The following CA12 variants were observed in gnomAD, a reference collection of about 807,000 sequenced individuals.
CA12 encodes the protein carbonic anhydrase 12.
Under a neutral mutation model 46.8 loss-of-function variants are expected in CA12, and 36 were observed. That is an observed-to-expected ratio of 0.77 (90% CI 0.59 to 1.02). CA12 has a LOEUF of 1.02. Among genes scored for constraint, CA12 ranks in the 50% least tolerant of loss-of-function variants. The probability of loss-of-function intolerance (pLI) is 0.00; values close to 1 mark genes in which losing one functional copy is unlikely to be tolerated. For missense variants in CA12, 436 were observed against 451.4 expected (o/e 0.97, Z 0.31); for synonymous variants, 202 against 187.0 (o/e 1.08, Z -0.65).
chr15:63,367,210 C>T (rs1264126213), intron 2 of CA12, among the ~76,000 whole-genome samples: 1 of 152,116 alleles, frequency 6.6e-6, no homozygotes, highest in African/African-American at 2.4e-5. Context: ...TGTGAGCCAC[C>T]GCACCCAGCC....
chr15:63,333,660 T>C (rs907903322), intron 8 of CA12, among the ~76,000 whole-genome samples: 5 of 152,192 alleles, frequency 3.3e-5, no homozygotes, highest in African/African-American at 1.2e-4. Flanking sequence ...CCTCAAAAAA[T>C]TAGATAATTA....
At chr15:63,358,357 T>C (rs2039318350) in intron 2 of CA12, among the ~76,000 whole-genome samples, 1 of 152,214 alleles carries the variant, frequency 6.6e-6, no homozygotes, top group Non-Finnish European at 1.5e-5. Flanking sequence ...ATGATCATGA[T>C]CATAAAGCCA....
chr15:63,321,848 A>T lies in CA12; in HGVS notation c.*4437T>A, dbSNP rs1211146840. On this transcript the variant is annotated 3_prime_UTR_variant, in exon 11 of 11. Coordinates refer to ENST00000178638, the MANE Select transcript of CA12 (RefSeq NM_001218.5). This position sits in a 1 kb window ranked among gnomAD's most constrained non-coding sequence, Gnocchi z 4.5. Reference sequence around the variant, plus strand: ...GGGCACAGCCGGGCCCACTGCGGCGAGGCGAGGAGATGTGGGGAGAGGAAG... The same window carrying T: ...GGGCACAGCCGGGCCCACTGCGGCGTGGCGAGGAGATGTGGGGAGAGGAAG... 1 of 152,262 alleles carries T rather than the reference A, an allele frequency of 6.6e-6. No individual in the cohort carries two copies. The allele number at this position is 152,262 out of a possible 1,614,324, so 9.4% of individuals were successfully genotyped here.
rs766031071 is a variant in CA12 at position 63,340,405 on chromosome 15, C to T, written c.630G>A (p.Leu210=). The change falls in exon 7 of 11, where the codon CTG becomes CTA. Residue 210 remains leucine (L), a synonymous_variant. Coordinates refer to ENST00000178638, the MANE Select transcript of CA12 (RefSeq NM_001218.5). This position sits in a 1 kb window ranked among gnomAD's most constrained non-coding sequence, Gnocchi z 4.4. The part of the protein sequence containing the change: ...AFVPGFNIEE[L]LPERTAEYYR... ...AATATTCAGCGGTCCTCTCCGGAAG[C>T]AGCTCTTCAATGTTGAATCCCGGGA... is the stretch of plus-strand genomic sequence containing the variant. 6.2e-7 allele frequency: 1 copy of T among 1,614,176 alleles called. No homozygotes were observed.
chr15:63,344,607 T>G (rs2039122063), intron 4 of CA12, among the ~76,000 whole-genome samples: 2 of 152,192 alleles, frequency 1.3e-5, no homozygotes, highest in Non-Finnish European at 2.9e-5. Context: ...AGTAGACCTA[T>G]GATTAGTCTG....
At chr15:63,334,271 T>C (rs1207699877) in intron 8 of CA12, among the ~76,000 whole-genome samples, 1 of 108,490 alleles carries the variant, frequency 9.2e-6, no homozygotes, top group East Asian at 2.4e-4. Flanking sequence ...TTTTTTTTTT[T>C]TTCAGATGGA....
intron 2 of CA12, among the ~76,000 whole-genome samples, chr15:63,361,761 C>T (rs1037637090): frequency 2.6e-5 from 4 of 152,052 alleles, no homozygotes; most frequent in Non-Finnish European, 5.9e-5. Flanking sequence ...GACTCCAGTC[C>T]ATGGGACACA....
intron 8 of CA12, among the ~76,000 whole-genome samples, chr15:63,337,666 C>T (rs1205903500): frequency 3.3e-5 from 5 of 152,026 alleles, no homozygotes; most frequent in East Asian, 3.9e-4. Context: ...CATGTTGGTC[C>T]GGCTGGTCTC....
Position 63,345,383 on chromosome 15 carries a change from C to A in CA12, c.429+94G>T. On this transcript the variant is annotated intron_variant, in intron 4 of 10. Transcript: ENST00000178638. The surrounding 1 kb of genome is among the most constrained non-coding windows in gnomAD (Gnocchi z 4.3). ...CAGAGAGCCTGAAGGCAGCCTGTCC[C>A]ATGCTCTGGTGTTATCTGCACAGCA... 9.2e-6 allele frequency: 14 copies of A among 1,524,544 alleles called. No individual in the cohort carries two copies. The South Asian group carries it at 1.5e-4, about 16-fold the overall frequency. The allele number at this position is 1,524,544 out of a possible 1,614,324, so 94.4% of individuals were successfully genotyped here.
chr15:63,373,617 G>A lies in CA12; in HGVS notation c.106+2041C>T, dbSNP rs371349484. Among the ~76,000 whole-genome samples the A allele has an allele frequency of 2.6e-5, 4 of 152,174 alleles. No individual in the cohort carries two copies. Among genetic ancestry groups the A allele is most frequent in the African/African-American group, 4.8e-5 (2 of 41,436 alleles). On this transcript the variant is annotated intron_variant, in intron 2 of 10. Coordinates refer to ENST00000178638, the MANE Select transcript of CA12 (RefSeq NM_001218.5). The surrounding 1 kb of genome is among the most constrained non-coding windows in gnomAD (Gnocchi z 4.9). ...CAGCTAAGAATCACTTGGGGAGTGC[G>A]TTAAGAATACAGGTTTTTCAGGCTC... is the stretch of plus-strand genomic sequence containing the variant.
At chr15:63,361,655 C>G (rs1292181260) in intron 2 of CA12, among the ~76,000 whole-genome samples, 1 of 152,144 alleles carries the variant, frequency 6.6e-6, no homozygotes, top group East Asian at 1.9e-4. Context: ...CCAGAGCATG[C>G]CCCACAGCGG....
At position 63,325,709 on chromosome 15, in the gene CA12, CTTG is replaced by C. The variant is rs1446193320; in HGVS notation, c.*573_*575del. Reference sequence around the variant, plus strand: ...CCCTAATATATCACAATGTATATCTCTTGTTTTCTTTTTCTCTCTACAACTTGA... The same window carrying C: ...CCCTAATATATCACAATGTATATCTCTTTTCTTTTTCTCTCTACAACTTGA... On this transcript the variant is annotated 3_prime_UTR_variant, in exon 11 of 11. Transcript: ENST00000178638. The surrounding 1 kb of genome is among the most constrained non-coding windows in gnomAD (Gnocchi z 4.9). The C allele has an allele frequency of 5.7e-6, 1 of 176,672 alleles. No individual in the cohort carries two copies. The highest frequency in any genetic ancestry group is 1.3e-4 in the East Asian group (1 of 7,424). 10.9% of individuals were successfully genotyped at this position (176,672 alleles called of 1,614,324 possible).
intron 2 of CA12, among the ~76,000 whole-genome samples, chr15:63,369,061 G>A (rs2039469800): frequency 6.6e-6 from 1 of 152,236 alleles, no homozygotes; most frequent in African/African-American, 2.4e-5. Flanking sequence ...CCAGGGAGAT[G>A]AGACCTGACT....
chr15:63,338,933 C>T lies in CA12; in HGVS notation c.760G>A (p.Glu254Lys). The part of the protein sequence containing the change: ...QISQEQLLAL[E>K]TALYCTHMDD... ...ATGTGTGTGCAGTACAGGGCTGTCT[C>T]CAAAGCCAGCAGCTGAGGGCAAGAG... Residue 254 changes from glutamate to lysine, a missense_variant, in exon 8 of 11, where the codon GAG (glutamate) becomes AAG (lysine). Physicochemically the swap from Glu to Lys is moderately conservative, Grantham distance 56. Transcript: ENST00000178638. The T allele has an allele frequency of 6.2e-7, 1 of 1,614,166 alleles. No homozygotes were observed.
At chr15:63,333,040 C>T (rs1312330872) in intron 8 of CA12, among the ~76,000 whole-genome samples, 1 of 152,218 alleles carries the variant, frequency 6.6e-6, no homozygotes, top group East Asian at 1.9e-4. Context: ...GTTCTGGCTG[C>T]ACTGAGGGAG....
intron 2 of CA12, among the ~76,000 whole-genome samples, chr15:63,349,093 A>C (rs750557998): frequency 1.3e-4 from 20 of 151,870 alleles, no homozygotes; most frequent in Admixed American, 4.6e-4. Context: ...AGCTGTCCCA[A>C]CACTTCAGTG....
At chr15:63,336,799 C>T (rs1017870794) in intron 8 of CA12, among the ~76,000 whole-genome samples, 1 of 152,104 alleles carries the variant, frequency 6.6e-6, no homozygotes, top group Admixed American at 6.6e-5. Flanking sequence ...GGCCTCCTGA[C>T]TGTAAGGAGA....
chr15:63,345,906 G>T lies in CA12; in HGVS notation c.287-287C>A, dbSNP rs2039141145. ...AAACGCTAACACTAGACCAACGGAT[G>T]GGTGTTTATTTACATATTGATGGAT... On this transcript the variant is annotated intron_variant, in intron 3 of 10. Transcript: ENST00000178638. This position sits in a 1 kb window ranked among gnomAD's most constrained non-coding sequence, Gnocchi z 4.3. Among the ~76,000 whole-genome samples, 1 of 152,206 alleles carries T rather than the reference G, an allele frequency of 6.6e-6. No individual in the cohort carries two copies. Among genetic ancestry groups the T allele is most frequent in the South Asian group, 2.1e-4 (1 of 4,828 alleles).
At chr15:63,336,654 G>A (rs1342786707) in intron 8 of CA12, among the ~76,000 whole-genome samples, 2 of 148,512 alleles carry the variant, frequency 1.3e-5, no homozygotes, top group African/African-American at 5.0e-5. Context: ...GGGTTCAAGC[G>A]ATTCTCCTGC....
Sources: allele counts gnomAD v4.1 joint callset (sites outside exome capture counted in the v4.1 genomes callset), GRCh38; gene constraint gnomAD v4.1.1; non-coding constraint Gnocchi (gnomAD v3.1); transcripts MANE v1.5; gene names NCBI Gene and HGNC (gene_info 2026-07-23, HGNC 2026-07-21).